Variants in SRPK2 observed in about 807,000 individuals in gnomAD.
SRPK2 encodes the protein SRSF protein kinase 2, also known as SFRS protein kinase 2.
SRPK2 carries 21 observed loss-of-function variants against 90.8 expected under a neutral mutation model. That is an observed-to-expected ratio of 0.23 (90% CI 0.16 to 0.33). The LOEUF (loss-of-function observed/expected upper bound fraction) is 0.33, where lower values mean the gene tolerates loss of function less well. Ranked by LOEUF, SRPK2 falls within the 10% of genes least tolerant of loss-of-function variation. The pLI, the probability that SRPK2 is intolerant of heterozygous loss-of-function variation, is 1.00. For synonymous variants in SRPK2, 288 were observed against 311.1 expected (o/e 0.93, Z 0.78); for missense variants, 620 against 869.0 (o/e 0.71, Z 3.60).
chr7:105,173,907 T>G (rs993593179), intron 3 of SRPK2, among the ~76,000 whole-genome samples: 2 of 150,120 alleles, frequency 1.3e-5, no homozygotes, highest in African/African-American at 4.9e-5. Flanking sequence ...ATTTATCAAA[T>G]AGTTGTGTGT....
At chr7:105,133,838 A>G (rs1802389373) in intron 11 of SRPK2, among the ~76,000 whole-genome samples, 1 of 152,172 alleles carries the variant, frequency 6.6e-6, no homozygotes, top group Non-Finnish European at 1.5e-5. Context: ...AAATTCCAGG[A>G]TGACTCCAGG....
rs745938997 is a variant in SRPK2 at position 105,278,518 on chromosome 7, C to CA, written c.72-74734dup. Among the ~76,000 whole-genome samples, 869 of 95,258 alleles carry CA rather than the reference C, an allele frequency of 9.1e-3. 4 individuals carry two copies. The highest frequency in any genetic ancestry group is 0.042 in the East Asian group (102 of 2,404). 62.5% of individuals were successfully genotyped at this position (95,258 alleles called of 152,430 possible). A position where few individuals can be genotyped will look rare whatever the true frequency, so the allele number is the denominator to read the frequency against. Reference sequence around the variant, plus strand: ...GTGAACCCCATCTCTAATAAAAATACAAAAAAAAAAAAAAAAAAATAGCCG... The same window carrying CA: ...GTGAACCCCATCTCTAATAAAAATACAAAAAAAAAAAAAAAAAAAATAGCCG... On this transcript the variant is annotated intron_variant, in intron 2 of 15. Transcript: ENST00000393651.
intron 2 of SRPK2, among the ~76,000 whole-genome samples, chr7:105,213,313 G>A (rs545614540): frequency 6.6e-6 from 1 of 152,262 alleles, no homozygotes; most frequent in African/African-American, 2.4e-5. Context: ...AATACGGTAG[G>A]GATTGCTTGA....
At chr7:105,371,121 C>T (rs556551599) in intron 2 of SRPK2, among the ~76,000 whole-genome samples, 3 of 152,128 alleles carry the variant, frequency 2.0e-5, no homozygotes, top group South Asian at 2.1e-4. Context: ...AAAGTAGTTT[C>T]GATCAGGCAT....
chr7:105,395,959 G>A lies in SRPK2; in HGVS notation n.153+3197C>T, dbSNP rs942051984. On this transcript the variant is annotated intron_variant and non_coding_transcript_variant, in intron 1 of 3. Coordinates refer to the SRPK2 transcript ENST00000462282. ...AGACACAGTTTCACTCTTGTTGCTC[G>A]GGCTGGAGTGCAATAACATGATGTC... Among the ~76,000 whole-genome samples, 39 of 151,562 alleles carry A rather than the reference G, an allele frequency of 2.6e-4. 1 individual carries two copies. Among genetic ancestry groups the A allele is most frequent in the Admixed American group, 3.9e-4 (6 of 15,192 alleles).
Position 105,204,707 on chromosome 7 carries a change from AAGAACAAGCTTGACAAACAT to A in SRPK2, c.72-942_72-923del, listed in dbSNP as rs781591962. The A allele has an allele frequency of 1.3e-3, 1,101 of 836,088 alleles. 13 individuals carry two copies. Among genetic ancestry groups the A allele is most frequent in the Non-Finnish European group, 1.8e-3 (986 of 536,984 alleles). The allele number at this position is 836,088 out of a possible 1,614,324, so 51.8% of individuals were successfully genotyped here. A position where few individuals can be genotyped will look rare whatever the true frequency, so the allele number is the denominator to read the frequency against. The stretch of plus-strand genomic sequence containing the variant: ...CAGCCCTCAGGCCTGCTGCGTCTAG[AAGAACAAGCTTGACAAACAT>A]ATTGTGGTCTGGTTCTGGTCAAGCA... On this transcript the variant is annotated intron_variant, in intron 2 of 15. Transcript: ENST00000393651.
At chr7:105,115,486 A>G (rs1161764484), downstream of SRPK2, 1 of 152,164 alleles carries the variant, frequency 6.6e-6, no homozygotes, top group Non-Finnish European at 1.5e-5. Context: ...GTCATTTTCC[A>G]TGAAGATTTC....
intron 2 of SRPK2, among the ~76,000 whole-genome samples, chr7:105,216,576 C>T (rs1797493373): frequency 6.6e-6 from 1 of 151,384 alleles, no homozygotes; most frequent in African/African-American, 2.4e-5. Context: ...ATCACTTTAA[C>T]TCGGGAGGCA....
At chr7:105,211,990 C>G (rs1796920147) in intron 2 of SRPK2, among the ~76,000 whole-genome samples, 1 of 152,200 alleles carries the variant, frequency 6.6e-6, no homozygotes, top group Non-Finnish European at 1.5e-5. Context: ...TTTTTATCAT[C>G]TATTTCCTGG....
chr7:105,117,612 A>G lies in SRPK2; in HGVS notation c.*226T>C. 1.8e-6 allele frequency: 1 copy of G among 548,272 alleles called. No individual in the cohort carries two copies. Among genetic ancestry groups the G allele is most frequent in the Non-Finnish European group, 3.2e-6 (1 of 312,918 alleles). The allele number at this position is 548,272 out of a possible 1,614,324, so 34.0% of individuals were successfully genotyped here. ...TGCTTAGAGACATGTTATTGTTTCCAGAAGAAAATGGTCAGTAAACTACTT... is the reference window on the plus strand; with the variant it reads ...TGCTTAGAGACATGTTATTGTTTCCGGAAGAAAATGGTCAGTAAACTACTT... On this transcript the variant is annotated 3_prime_UTR_variant, in exon 16 of 16. Transcript: ENST00000393651.
rs542494769 is a variant in SRPK2 at position 105,202,791 on chromosome 7, C to G, written c.229+837G>C. On this transcript the variant is annotated intron_variant, in intron 3 of 15. Coordinates refer to ENST00000393651, the MANE Select transcript of SRPK2 (RefSeq NM_182692.3). Reference sequence around the variant, plus strand: ...CCAGGAAAGAATCTTTCTCTGTAAACAAATGTGCATGCTTGCTTCCCACAG... The same window carrying G: ...CCAGGAAAGAATCTTTCTCTGTAAAGAAATGTGCATGCTTGCTTCCCACAG... 1.8e-4 allele frequency among the ~76,000 whole-genome samples: 28 copies of G among 152,278 alleles called. No individual in the cohort carries two copies. The South Asian group carries it at 5.4e-3, about 29-fold the overall frequency.
At chr7:105,219,774 T>C (rs2129615261) in intron 2 of SRPK2, among the ~76,000 whole-genome samples, 1 of 152,372 alleles carries the variant, frequency 6.6e-6, no homozygotes, top group Middle Eastern at 3.4e-3. Flanking sequence ...ACTTTTAAAA[T>C]GTTACTCAAA....
chr7:105,256,848 C>G (rs945998217), intron 2 of SRPK2, among the ~76,000 whole-genome samples: 1 of 152,300 alleles, frequency 6.6e-6, no homozygotes, highest in Non-Finnish European at 1.5e-5. Flanking sequence ...GCTGTAGCCA[C>G]TCATTGGACA....
At chr7:105,194,072 A>T (rs996765938) in intron 3 of SRPK2, among the ~76,000 whole-genome samples, 4 of 152,116 alleles carry the variant, frequency 2.6e-5, no homozygotes, top group Non-Finnish European at 1.5e-5. Context: ...ATGTCTTTTA[A>T]TCAGGAACAG....
At chr7:105,137,415 T>C (rs1394616500) in intron 11 of SRPK2, among the ~76,000 whole-genome samples, 5 of 152,172 alleles carry the variant, frequency 3.3e-5, no homozygotes, top group Non-Finnish European at 1.5e-5. Context: ...CCTTAAACAG[T>C]TCTCTCTGGA....
intron 2 of SRPK2, among the ~76,000 whole-genome samples, chr7:105,219,115 A>G (rs529714077): frequency 5.3e-5 from 8 of 152,224 alleles, no homozygotes; most frequent in African/African-American, 1.9e-4. Context: ...GATGCTGGAG[A>G]CACATAGCTT....
intron 2 of SRPK2, among the ~76,000 whole-genome samples, chr7:105,298,125 A>G (rs1176455132): frequency 6.6e-6 from 1 of 152,204 alleles, no homozygotes; most frequent in East Asian, 1.9e-4. Context: ...TACCACAACC[A>G]AAATATAGAA....
Position 105,181,904 on chromosome 7 carries a change from C to CA in SRPK2, c.230-12640dup, listed in dbSNP as rs1448810278. ...AGTAAAAAAAAAAAAAAACAGAAAA[C>CA]ACACACACAAAAACCAAATGTAGGC... On this transcript the variant is annotated intron_variant, in intron 3 of 15. Coordinates refer to ENST00000393651, the MANE Select transcript of SRPK2 (RefSeq NM_182692.3). Among the ~76,000 whole-genome samples, 153 of 137,512 alleles carry CA rather than the reference C, an allele frequency of 1.1e-3. 4 individuals are homozygous for CA. The highest frequency in any genetic ancestry group is 6.4e-3 in the Admixed American group (87 of 13,496). 90.2% of individuals were successfully genotyped at this position (137,512 alleles called of 152,430 possible).
intron 2 of SRPK2, among the ~76,000 whole-genome samples, chr7:105,223,243 T>C (rs568825867): frequency 2.0e-5 from 3 of 152,220 alleles, no homozygotes; most frequent in Non-Finnish European, 4.4e-5. Flanking sequence ...CAACTATTCT[T>C]TGTCACTGCC....
Sources: gnomAD v4.1 joint callset for allele counts (sites outside exome capture counted in the v4.1 genomes callset) on GRCh38, gnomAD v4.1.1 for gene constraint, MANE v1.5 for transcripts, NCBI Gene and HGNC (gene_info 2026-07-23, HGNC 2026-07-21) for gene names.